The following TANC2 variants were observed in gnomAD, a reference collection of about 807,000 sequenced individuals.
The protein encoded by TANC2 is tetratricopeptide repeat, ankyrin repeat and coiled-coil containing 2.
In TANC2, 26 loss-of-function variants were observed where a neutral mutation model predicts 210.5. That is an observed-to-expected ratio of 0.12 (90% CI 0.09 to 0.17). The LOEUF is 0.17. Among genes scored for constraint, TANC2 ranks in the 10% least tolerant of loss-of-function variants. The pLI, the probability that TANC2 is intolerant of heterozygous loss-of-function variation, is 1.00. For missense variants in TANC2, 2,129 were observed against 2,608.9 expected, an observed-to-expected ratio of 0.82 and a Z score of 4.01; for synonymous variants, 931 against 967.1, an observed-to-expected ratio of 0.96 and a Z score of 0.69.
At chr17:63,215,118 G>A (rs188779055) in intron 7 of TANC2, among the ~76,000 whole-genome samples, 19 of 152,230 alleles carry the variant, frequency 1.2e-4, no homozygotes, top group Admixed American at 9.2e-4. Flanking sequence ...ATTGAAAGTC[G>A]TTTCATAATG....
At chr17:63,233,843 C>T (rs184114170) in intron 7 of TANC2, among the ~76,000 whole-genome samples, 101 of 152,258 alleles carry the variant, frequency 6.6e-4, no homozygotes, top group African/African-American at 2.4e-3. Context: ...ATTGTTTTTT[C>T]GTCTTTACCT....
intron 5 of TANC2, chr17:63,154,952 A>C (rs2039783844): frequency 6.6e-6 from 1 of 152,260 alleles, no homozygotes; most frequent in African/African-American, 2.4e-5. Context: ...TTTCTGGAAG[A>C]ATACACCAAA....
intron 4 of TANC2, among the ~76,000 whole-genome samples, chr17:63,106,459 TGCC>T (rs2144978329): frequency 6.6e-6 from 1 of 151,670 alleles, no homozygotes; most frequent in South Asian, 2.1e-4. Context: ...AGGGGATTAT[TGCC>T]GAACCAACTA....
intron 7 of TANC2, among the ~76,000 whole-genome samples, chr17:63,224,250 ATTTTTTTT>A (rs768863390): frequency 1.5e-5 from 2 of 130,340 alleles, no homozygotes; most frequent in Non-Finnish European, 3.2e-5. Flanking sequence ...AGACTTGCTG[ATTTTTTTT>A]TTTTTTTTTT....
At chr17:63,215,197 G>C (rs748510181) in intron 7 of TANC2, among the ~76,000 whole-genome samples, 19 of 152,130 alleles carry the variant, frequency 1.2e-4, no homozygotes, top group Admixed American at 9.8e-4. Context: ...TTCAAAATGA[G>C]AGAAATCCAT....
chr17:62,966,400 G>A lies in TANC2; in HGVS notation c.-373G>A, dbSNP rs2031334031. The stretch of plus-strand genomic sequence containing the variant: ...CTGGCGCTGCCCTCCCGCCGCCACC[G>A]CCCTCCGCGCCTCCTTCGGGCGGCC... On this transcript the variant is annotated 5_prime_UTR_variant, in exon 1 of 28. Transcript: ENST00000689528. The surrounding 1 kb of genome is among the most constrained non-coding windows in gnomAD (Gnocchi z 5.1). 1.4e-5 allele frequency among the ~76,000 whole-genome samples: 2 copies of A among 147,322 alleles called. No individual in the cohort carries two copies. The highest frequency in any genetic ancestry group is 4.9e-5 in the African/African-American group (2 of 40,848).
chr17:63,036,462 C>A (rs2034975880), intron 2 of TANC2, among the ~76,000 whole-genome samples: 1 of 152,156 alleles, frequency 6.6e-6, no homozygotes, highest in African/African-American at 2.4e-5. Context: ...GTTCTGTTAA[C>A]TGATCTCTTT....
intron 14 of TANC2, among the ~76,000 whole-genome samples, chr17:63,359,967 A>T (rs990286941): frequency 6.6e-6 from 1 of 152,226 alleles, no homozygotes; most frequent in Non-Finnish European, 1.5e-5. Context: ...TGACCATATT[A>T]GTAAGTGAAT....
intron 19 of TANC2, among the ~76,000 whole-genome samples, chr17:63,403,440 C>T (rs1199560590): frequency 1.3e-5 from 2 of 152,010 alleles, no homozygotes; most frequent in Non-Finnish European, 2.9e-5. Flanking sequence ...TATTAAACTA[C>T]TCTTGTGTTC....
At chr17:63,036,189 CAT>C (rs2034965209) in intron 2 of TANC2, among the ~76,000 whole-genome samples, 2 of 151,852 alleles carry the variant, frequency 1.3e-5, no homozygotes, top group South Asian at 4.2e-4. Flanking sequence ...TTTTTGCTAT[CAT>C]ATTTAAAAAC....
At chr17:62,972,299 A>C (rs75527012) in intron 1 of TANC2, among the ~76,000 whole-genome samples, 27 of 152,290 alleles carry the variant, frequency 1.8e-4, no homozygotes, top group African/African-American at 6.3e-4. Flanking sequence ...TTGAATAGTT[A>C]AAGGTAAGCA....
At chr17:63,218,012 C>T (rs913140770) in intron 7 of TANC2, among the ~76,000 whole-genome samples, 3 of 151,940 alleles carry the variant, frequency 2.0e-5, no homozygotes, top group South Asian at 2.1e-4. Flanking sequence ...TGGTTAGGCA[C>T]GGTGGCTCAC....
chr17:63,136,045 T>C (rs1459723379), intron 4 of TANC2, among the ~76,000 whole-genome samples: 1 of 152,218 alleles, frequency 6.6e-6, no homozygotes, highest in African/African-American at 2.4e-5. Context: ...TATTCACTGC[T>C]GTAAAGAGAT....
intron 9 of TANC2, among the ~76,000 whole-genome samples, chr17:63,284,798 T>C (rs1249725235): frequency 6.6e-6 from 1 of 152,132 alleles, no homozygotes; most frequent in African/African-American, 2.4e-5. Flanking sequence ...GATTTTCTAC[T>C]TGTTCGCTTA....
chr17:63,283,387 T>C (rs2044120182), intron 9 of TANC2, among the ~76,000 whole-genome samples: 1 of 151,960 alleles, frequency 6.6e-6, no homozygotes, highest in South Asian at 2.1e-4. Flanking sequence ...CTTGAAATCA[T>C]GTCAACACTC....
At chr17:63,188,300 TAA>T (rs71357050) in intron 5 of TANC2, among the ~76,000 whole-genome samples, 274 of 143,920 alleles carry the variant, frequency 1.9e-3, no homozygotes, top group Middle Eastern at 3.6e-3. Context: ...CCCCATCTCT[TAA>T]AAAAAAAAAA....
At chr17:63,160,925 A>G (rs767828435) in intron 5 of TANC2, among the ~76,000 whole-genome samples, 1 of 152,120 alleles carries the variant, frequency 6.6e-6, no homozygotes, top group Non-Finnish European at 1.5e-5. Flanking sequence ...TTTGGCTTTT[A>G]TAGTCTGTCT....
At chr17:63,091,743 G>A (rs1375136856) in intron 3 of TANC2, among the ~76,000 whole-genome samples, 3 of 152,114 alleles carry the variant, frequency 2.0e-5, no homozygotes, top group Middle Eastern at 3.2e-3. Flanking sequence ...TTCCAATTCT[G>A]TGAAGAAAAT....
chr17:63,369,212 C>T (rs2047193981), intron 14 of TANC2, among the ~76,000 whole-genome samples: 1 of 152,088 alleles, frequency 6.6e-6, no homozygotes, highest in African/African-American at 2.4e-5. Flanking sequence ...TCAGGTCATC[C>T]TACAAGTTAC....
Sources: gnomAD v4.1 joint callset for allele counts (sites outside exome capture counted in the v4.1 genomes callset) on GRCh38, gnomAD v4.1.1 for gene constraint, Gnocchi (gnomAD v3.1) non-coding constraint, MANE v1.5 for transcripts, NCBI Gene and HGNC (gene_info 2026-07-23, HGNC 2026-07-21) for gene names.